Variants in SETD2 observed in about 807,000 individuals in gnomAD.
SETD2 encodes SET domain containing 2, histone lysine methyltransferase, also known as histone-lysine N-methyltransferase SETD2.
In SETD2, 31 loss-of-function variants were observed where a neutral mutation model predicts 242.1. The ratio of observed to expected loss-of-function variants is 0.13; its 90% CI spans 0.10 to 0.17. The LOEUF (loss-of-function observed/expected upper bound fraction) is 0.17, where lower values mean the gene tolerates loss of function less well. Among genes scored for constraint, SETD2 ranks in the 10% least tolerant of loss-of-function variants. The pLI is 1.00. For missense variants in SETD2, 2,481 were observed against 3,046.3 expected (o/e 0.81, Z 4.37); for synonymous variants, 1,006 against 1,066.5 (o/e 0.94, Z 1.11).
intron 1 of SETD2, among the ~76,000 whole-genome samples, chr3:47,143,316 T>C (rs989319434): frequency 3.3e-5 from 5 of 151,914 alleles, no homozygotes; most frequent in African/African-American, 9.7e-5. Context: ...AAAAAAACTT[T>C]ATTGGGGAAA....
chr3:47,111,380 CA>C (rs199773751), intron 5 of SETD2, among the ~76,000 whole-genome samples: 1,531 of 152,070 alleles, frequency 0.01, 16 homozygotes, highest in Non-Finnish European at 0.014. Context: ...GCCTAGGCAA[CA>C]TAGTGAGGAC....
chr3:47,148,213 C>T (rs977024189), intron 1 of SETD2, among the ~76,000 whole-genome samples: 1 of 152,014 alleles, frequency 6.6e-6, no homozygotes, highest in Non-Finnish European at 1.5e-5. Context: ...TCACTGCAAC[C>T]TCTGCCTCCT....
chr3:47,101,373 A>G, intron 8 of SETD2, 85 bp downstream of exon 8: 7 of 739,436 alleles, frequency 9.5e-6, no homozygotes, highest in Non-Finnish European at 1.4e-5. Flanking sequence ...ACTTTTAAGT[A>G]ATTTATATTA....
Position 47,042,767 on chromosome 3 carries a change from T to G in SETD2, c.7099-67A>C, listed in dbSNP as rs1010154858. 7 of 1,383,580 alleles carry G rather than the reference T, an allele frequency of 5.1e-6. No homozygotes were observed. The East Asian group carries it at 1.2e-4, about 23-fold the overall frequency. 85.7% of individuals were successfully genotyped at this position (1,383,580 alleles called of 1,614,324 possible). On this transcript the variant is annotated intron_variant, in intron 16 of 20. Coordinates refer to ENST00000409792, the MANE Select transcript of SETD2 (RefSeq NM_014159.7). ...CTTAATCTGGCTGAATAGGACAAAA[T>G]AGCCCACTTAAATATGTAAAAATGT...
chr3:47,119,649 G>A (rs2042994036), intron 3 of SETD2: 3 of 333,868 alleles, frequency 9.0e-6, no homozygotes, highest in Non-Finnish European at 1.8e-5. Context: ...TTTGCCTCCT[G>A]CCGCAATTCT....
chr3:47,122,922 A>G lies in SETD2; in HGVS notation c.1714T>C (p.Ser572Pro), dbSNP rs919540168. Residue 572 changes from serine to proline, a missense_variant, in exon 3 of 21, where the codon TCT becomes CCT. By Grantham distance (74) the Ser-to-Pro change is moderately conservative. Around this residue, in one of 17 missense-constraint regions of SETD2, gnomAD observed 1,300 missense variants for 1,259.2 expected, o/e 1.03. Coordinates refer to ENST00000409792, the MANE Select transcript of SETD2 (RefSeq NM_014159.7). ...PIPKSDKFKNSFCCTELNEEI... is the reference protein window; with the variant it reads ...PIPKSDKFKNPFCCTELNEEI... ...TCATTTAATTCTGTACAACAGAAAG[A>G]ATTTTTAAATTTATCAGACTTGGGT... 1.9e-6 allele frequency: 3 copies of G among 1,610,474 alleles called. No individual in the cohort carries two copies. The African/African-American group carries it at 4.0e-5, about 22-fold the overall frequency.
chr3:47,159,709 G>T (rs1376767419), intron 1 of SETD2, among the ~76,000 whole-genome samples: 2 of 152,166 alleles, frequency 1.3e-5, no homozygotes, highest in Non-Finnish European at 2.9e-5. Context: ...GAGAGCAGTG[G>T]CTCACACCTG....
chr3:47,023,703 A>G (rs1011096986), intron 18 of SETD2, among the ~76,000 whole-genome samples: 1 of 152,240 alleles, frequency 6.6e-6, no homozygotes, highest in Non-Finnish European at 1.5e-5. Context: ...AACCAATTTT[A>G]AAAAACCCCA....
chr3:47,163,795 GC>G, intron 1 of SETD2, 58 bp downstream of exon 1: 1 of 1,185,014 alleles, frequency 8.4e-7, no homozygotes, highest in Non-Finnish European at 1.1e-6. Context: ...AGGACGCGCC[GC>G]CCTCGGCTGG....
chr3:47,089,183 C>T (rs532313017), intron 9 of SETD2, among the ~76,000 whole-genome samples: 1 of 152,294 alleles, frequency 6.6e-6, no homozygotes, highest in East Asian at 1.9e-4. Flanking sequence ...TGGTGGCTCA[C>T]ACTTGTAATC....
At chr3:47,153,614 G>A (rs1175481563) in intron 1 of SETD2, among the ~76,000 whole-genome samples, 1 of 152,058 alleles carries the variant, frequency 6.6e-6, no homozygotes, top group African/African-American at 2.4e-5. Flanking sequence ...TTAGCTAGGT[G>A]TGGTGGCGCA....
intron 18 of SETD2, among the ~76,000 whole-genome samples, chr3:47,023,677 AAAT>A (rs895688046): frequency 1.2e-4 from 19 of 152,340 alleles, no homozygotes; most frequent in African/African-American, 4.6e-4. Flanking sequence ...AATACAATAA[AAAT>A]AATACAAATA....
chr3:47,058,146 T>C (rs1459332808), intron 14 of SETD2, among the ~76,000 whole-genome samples: 1 of 152,100 alleles, frequency 6.6e-6, no homozygotes, highest in Non-Finnish European at 1.5e-5. Flanking sequence ...AGTCAGAATG[T>C]TGAGAGAAAC....
At chr3:47,096,048 G>T (rs1388164670) in intron 9 of SETD2, among the ~76,000 whole-genome samples, 1 of 152,060 alleles carries the variant, frequency 6.6e-6, no homozygotes, top group Non-Finnish European at 1.5e-5. Flanking sequence ...GAGCCACCAC[G>T]CCCAGCTATA....
At chr3:47,068,645 C>T (rs1389845860) in intron 12 of SETD2, among the ~76,000 whole-genome samples, 1 of 152,040 alleles carries the variant, frequency 6.6e-6, no homozygotes, top group Non-Finnish European at 1.5e-5. Flanking sequence ...TATAGGCACA[C>T]ACCACCATGC....
chr3:47,155,714 G>A (rs1364017107), intron 1 of SETD2, among the ~76,000 whole-genome samples: 1 of 152,196 alleles, frequency 6.6e-6, no homozygotes, highest in Non-Finnish European at 1.5e-5. Context: ...ACTGAGGTGG[G>A]AGGATCGCTT....
chr3:47,133,054 A>G (rs1437854758), intron 1 of SETD2, among the ~76,000 whole-genome samples: 2 of 151,518 alleles, frequency 1.3e-5, no homozygotes, highest in Non-Finnish European at 2.9e-5. Context: ...ATATAGGAGT[A>G]AAGAGGCATC....
intron 14 of SETD2, among the ~76,000 whole-genome samples, chr3:47,060,153 G>T (rs993899997): frequency 3.3e-5 from 5 of 152,190 alleles, no homozygotes; most frequent in Non-Finnish European, 7.3e-5. Context: ...TACTGGATGG[G>T]TGCTGAAGTG....
chr3:47,127,044 T>C (rs1575824859), intron 1 of SETD2, among the ~76,000 whole-genome samples: 1 of 152,146 alleles, frequency 6.6e-6, no homozygotes, highest in South Asian at 2.1e-4. Context: ...CTCAGTTTAG[T>C]GGGAAAATAG....
Sources: gnomAD v4.1 joint callset for allele counts (sites outside exome capture counted in the v4.1 genomes callset) on GRCh38, gnomAD v4.1.1 for gene constraint, gnomAD v4.1.1 regional missense constraint, MANE v1.5 for transcripts, NCBI Gene and HGNC (gene_info 2026-07-23, HGNC 2026-07-21) for gene names.